CIC: variants seen among roughly 807,000 people sequenced by gnomAD.
CIC encodes the protein capicua transcriptional repressor, also known as protein capicua homolog.
CIC carries 18 observed loss-of-function variants against 115.7 expected under a neutral mutation model. The ratio of observed to expected loss-of-function variants is 0.16; its 90% CI spans 0.11 to 0.23. The LOEUF (loss-of-function observed/expected upper bound fraction) is 0.23, where lower values mean the gene tolerates loss of function less well. CIC is among the 10% of genes least tolerant of loss of function. The pLI, the probability that CIC is intolerant of heterozygous loss-of-function variation, is 1.00. For synonymous variants in CIC, 1,076 were observed against 923.0 expected (o/e 1.17, Z -3.01); for missense variants, 2,000 against 2,159.3 (o/e 0.93, Z 1.46).
Position 42,272,248 on chromosome 19 carries a change from G to T in CIC, c.465G>T (p.Arg155=). Residue 155 remains arginine (R), a synonymous_variant, in exon 2 of 21, where the codon CGG becomes CGT. Transcript: ENST00000681038. ...EEASGLGVPP[R]PPTSTRSSST... is the part of the protein sequence containing the mutation. ...CCAGTGGCCTGGGGGTGCCTCCACG[G>T]CCACCCACCTCCACTCGTTCCTCCT... The T allele has an allele frequency of 2.5e-6, 1 of 398,598 alleles. No homozygotes were observed. The highest frequency in any genetic ancestry group is 4.4e-6 in the Non-Finnish European group (1 of 226,058). 24.7% of individuals were successfully genotyped at this position (398,598 alleles called of 1,614,324 possible).
At chr19:42,275,070 G>A (rs534750953) in intron 2 of CIC, among the ~76,000 whole-genome samples, 1 of 152,326 alleles carries the variant, frequency 6.6e-6, no homozygotes, top group East Asian at 1.9e-4. Flanking sequence ...AAAGTGCTAT[G>A]ATTATGCTTC....
At chr19:42,294,781 T>C in intron 20 of CIC, 43 bp from the exon 21 acceptor site, 1 of 1,609,410 alleles carries the variant, frequency 6.2e-7, no homozygotes, top group Non-Finnish European at 8.5e-7. Flanking sequence ...GGGACTTATC[T>C]GTACATCTCA....
At position 42,291,231 on chromosome 19, in the gene CIC, A is replaced by C. The variant is rs886565531; in HGVS notation, c.5190A>C (p.Gly1730=). ...CAGGTGCCCTGGGCAAGGCTGGGGG[A>C]ATCACCCAGGTACAGTACATCCTGC... ...LQPGALGKAG[G]ITQVQYILPT... is the part of the protein sequence containing the mutation. Residue 1730 remains glycine, a synonymous_variant, in exon 11 of 21, where the codon GGA becomes GGC. Coordinates refer to ENST00000681038, the MANE Select transcript of CIC (RefSeq NM_001386298.1). The C allele has an allele frequency of 6.2e-7, 1 of 1,611,518 alleles. No individual in the cohort carries two copies. Among genetic ancestry groups the C allele is most frequent in the East Asian group, 2.2e-5 (1 of 44,770 alleles).
Position 42,290,418 on chromosome 19 carries a change from C to G in CIC, c.4377C>G (p.Phe1459Leu). ...ASSSASAATS[F>L]SLGSGTFKAQ... is the part of the protein sequence containing the mutation. The stretch of plus-strand genomic sequence containing the variant: ...CCTCAGCCTCGGCAGCCACCTCCTT[C>G]TCACTGGGCTCAGGAACCTTCAAGG... The change falls in exon 11 of 21, where the codon TTC becomes TTG. Residue 1459 changes from phenylalanine to leucine, a missense_variant. Transcript: ENST00000681038. 1.2e-6 allele frequency: 2 copies of G among 1,614,096 alleles called. No homozygotes were observed. Among genetic ancestry groups the G allele is most frequent in the Non-Finnish European group, 1.7e-6 (2 of 1,179,954 alleles).
chr19:42,289,194 C>G lies in CIC; in HGVS notation c.3875C>G (p.Pro1292Arg). The change falls in exon 9 of 21, where the codon CCT becomes CGT. Residue 1292 changes from proline (P) to arginine (R), a missense_variant. Coordinates refer to ENST00000681038, the MANE Select transcript of CIC (RefSeq NM_001386298.1). ...CCTATCCTGCAGATGGTGTCTGGCC[C>G]TGCATCGTACTCTGGCCCAAAGCCT... ...LQELTQMVSG[P>R]ASYSGPKPST... 1 of 1,613,264 alleles carries G rather than the reference C, an allele frequency of 6.2e-7. No homozygotes were observed. The highest frequency in any genetic ancestry group is 1.1e-5 in the South Asian group (1 of 91,084).
At chr19:42,284,771 G>C in intron 2 of CIC, 1 of 1,553,408 alleles carries the variant, frequency 6.4e-7, no homozygotes, top group Non-Finnish European at 8.7e-7. Flanking sequence ...CGGCATGTTC[G>C]GTCAGTAGCG....
Position 42,292,637 on chromosome 19 carries a change from G to T in CIC, c.5974G>T (p.Ala1992Ser). 6.2e-7 allele frequency: 1 copy of T among 1,613,700 alleles called. No individual in the cohort carries two copies. Among genetic ancestry groups the T allele is most frequent in the Non-Finnish European group, 8.5e-7 (1 of 1,179,952 alleles). ...SPVPSPQLPP[A>S]CAAPGGPVIT... is the part of the protein sequence containing the mutation. ...TGTGCCCAGTCCCCAGCTGCCGCCT[G>T]CCTGTGCAGCCCCCGGAGGTCCTGT... The change falls in exon 15 of 21, where the codon GCC (alanine) becomes TCC (serine). Residue 1992 changes from alanine (A) to serine (S), a missense_variant. Physicochemically the swap from Ala to Ser is moderately conservative, Grantham distance 99. This residue lies in a region of CIC where 1,466 missense variants were observed against 1,390.4 expected (regional missense o/e 1.05). Coordinates refer to ENST00000681038, the MANE Select transcript of CIC (RefSeq NM_001386298.1).
At position 42,291,161 on chromosome 19, in the gene CIC, C is replaced by T. The variant is rs1279700449; in HGVS notation, c.5120C>T (p.Ala1707Val). Residue 1707 changes from alanine (A) to valine (V), a missense_variant, in exon 11 of 21, where the codon GCT becomes GTT. Ala to Val is a moderately conservative substitution (Grantham distance 64, BLOSUM62 0). Transcript: ENST00000681038. Reference sequence around the variant, plus strand: ...ACCACTGCGGGCTCAGGAGCAGGTGCTGGGAGTGGCCCCAATGGGCCAGTA... The same window carrying T: ...ACCACTGCGGGCTCAGGAGCAGGTGTTGGGAGTGGCCCCAATGGGCCAGTA... The part of the protein sequence containing the change: ...GGTTAGSGAG[A>V]GSGPNGPVPL... 2 of 1,608,086 alleles carry T rather than the reference C, an allele frequency of 1.2e-6. No homozygotes were observed. The highest frequency in any genetic ancestry group is 1.1e-5 in the South Asian group (1 of 90,792).
Position 42,290,573 on chromosome 19 carries a change from G to A in CIC, c.4532G>A (p.Arg1511Lys). 6.2e-7 allele frequency: 1 copy of A among 1,613,770 alleles called. No individual in the cohort carries two copies. The highest frequency in any genetic ancestry group is 1.7e-5 in the Admixed American group (1 of 60,024). The change falls in exon 11 of 21, where the codon AGA becomes AAA. Residue 1511 changes from arginine to lysine, a missense_variant. This residue lies in a region of CIC where 1,466 missense variants were observed against 1,390.4 expected (regional missense o/e 1.05). Coordinates refer to ENST00000681038, the MANE Select transcript of CIC (RefSeq NM_001386298.1). ...GATCCTGCCACCTTCCGGCGCAAGA[G>A]ACCCGAAAGTGTGGGTGGCCTGGAG... ...PMDPATFRRK[R>K]PESVGGLEPP...
intron 7 of CIC, among the ~76,000 whole-genome samples, chr19:42,288,576 C>T (rs1274019570): frequency 6.6e-6 from 1 of 152,138 alleles, no homozygotes; most frequent in East Asian, 1.9e-4. Flanking sequence ...GTTACTTCCT[C>T]TTTGAGATGA....
Position 42,272,718 on chromosome 19 carries a change from G to C in CIC, c.935G>C (p.Gly312Ala). ...PGPSSQPGLP[G>A]SLPQPPQPLH... ...CCCAGCTCCCAGCCAGGCCTACCAGGCAGCCTCCCGCAGCCCCCACAGCCA... is the reference window on the plus strand; with the variant it reads ...CCCAGCTCCCAGCCAGGCCTACCAGCCAGCCTCCCGCAGCCCCCACAGCCA... The change falls in exon 2 of 21, where the codon GGC becomes GCC. Residue 312 changes from glycine to alanine, a missense_variant. This residue lies in a region of CIC where 222 missense variants were observed against 247.7 expected (regional missense o/e 0.90). Coordinates refer to ENST00000681038, the MANE Select transcript of CIC (RefSeq NM_001386298.1). 2.5e-6 allele frequency: 1 copy of C among 398,856 alleles called. No homozygotes were observed. The highest frequency in any genetic ancestry group is 4.4e-6 in the Non-Finnish European group (1 of 226,302). The allele number at this position is 398,856 out of a possible 1,614,324, so 24.7% of individuals were successfully genotyped here. A position where few individuals can be genotyped will look rare whatever the true frequency, so the allele number is the denominator to read the frequency against.
At chr19:42,283,767 C>G (rs936730904) in intron 2 of CIC, among the ~76,000 whole-genome samples, 10 of 152,216 alleles carry the variant, frequency 6.6e-5, no homozygotes, top group African/African-American at 1.9e-4. Context: ...GAACCGCCCC[C>G]CTGGCTCGGT....
rs776652818 is a variant in CIC, at chr19:42,289,052, G to A, written c.3823G>A (p.Gly1275Arg). Residue 1275 changes from glycine (G) to arginine (R), a missense_variant, in exon 8 of 21, where the codon GGA (glycine) becomes AGA (arginine). By Grantham distance (125) the Gly-to-Arg change is moderately radical. Around this residue, in one of 8 missense-constraint regions of CIC, gnomAD observed 1,466 missense variants for 1,390.4 expected, o/e 1.05. Transcript: ENST00000681038. ...SHSGVHSLDG[G>R]EVDSQALQEL... ...CAGCGGGGTACACAGCCTGGACGGC[G>A]GAGAAGTAGACAGTCAGGCGCTACA... 9 of 1,613,680 alleles carry A rather than the reference G, an allele frequency of 5.6e-6. No homozygotes were observed. The highest frequency in any genetic ancestry group is 7.6e-6 in the Non-Finnish European group (9 of 1,180,024).
At chr19:42,279,295 C>T (rs1480714750) in intron 2 of CIC, among the ~76,000 whole-genome samples, 2 of 152,278 alleles carry the variant, frequency 1.3e-5, no homozygotes, top group African/African-American at 4.8e-5. Flanking sequence ...CTGCCAGGCC[C>T]AGGGCTGAGC....
intron 2 of CIC, among the ~76,000 whole-genome samples, chr19:42,281,681 AG>A (rs1472169358): frequency 1.3e-5 from 2 of 152,170 alleles, no homozygotes; most frequent in Non-Finnish European, 2.9e-5. Context: ...AGCTAAGTAT[AG>A]GGCTGGCCCA....
intron 1 of CIC, among the ~76,000 whole-genome samples, chr19:42,271,124 C>T (rs1211683384): frequency 6.6e-6 from 1 of 152,138 alleles, no homozygotes; most frequent in Admixed American, 6.5e-5. Context: ...AGTCACCACC[C>T]TTTTTGTGAC....
intron 11 of CIC, 38 bp from the exon 12 acceptor site, chr19:42,291,520 C>G (rs1189292671): frequency 6.2e-7 from 1 of 1,613,028 alleles, no homozygotes; most frequent in East Asian, 2.2e-5. Flanking sequence ...TGTTTGGCTC[C>G]CTTGTAACCT....
chr19:42,281,065 TGCCGAGCCGCGCCA>T (rs2147091849), intron 2 of CIC, among the ~76,000 whole-genome samples: 1 of 144,604 alleles, frequency 6.9e-6, no homozygotes, highest in South Asian at 2.3e-4. Flanking sequence ...CCCCCATCCT[TGCCGAGCCGCGCCA>T]GCCCAATCCT....
At chr19:42,281,805 G>T (rs1326133494) in intron 2 of CIC, among the ~76,000 whole-genome samples, 1 of 150,822 alleles carries the variant, frequency 6.6e-6, no homozygotes, top group East Asian at 2.0e-4. Context: ...TCTCTCCTCC[G>T]TGGGCACTGT....
Sources: allele counts gnomAD v4.1 joint callset (sites outside exome capture counted in the v4.1 genomes callset), GRCh38; gene constraint gnomAD v4.1.1; regional missense constraint gnomAD v4.1.1; transcripts MANE v1.5; gene names NCBI Gene and HGNC (gene_info 2026-07-23, HGNC 2026-07-21).